DSCAM: variants seen among roughly 807,000 people sequenced by gnomAD.
DSCAM encodes cell adhesion molecule DSCAM.
In DSCAM, 47 loss-of-function variants were observed where a neutral mutation model predicts 217.7. That is an observed-to-expected ratio of 0.22 (90% CI 0.17 to 0.28). The LOEUF is 0.28. Ranked by LOEUF, DSCAM falls within the 10% of genes least tolerant of loss-of-function variation. DSCAM has a pLI of 1.00. For synonymous variants in DSCAM, 1,056 were observed against 1,015.3 expected (o/e 1.04, Z -0.76); for missense variants, 2,080 against 2,618.3 (o/e 0.79, Z 4.49).
chr21:40,820,188 T>C (rs7278314), intron 1 of DSCAM, among the ~76,000 whole-genome samples: 31,773 of 152,010 alleles, frequency 0.21, 3,969 homozygotes, highest in Non-Finnish European at 0.28. Flanking sequence ...CTATATATAA[T>C]AGCAAAGACT....
At chr21:40,253,703 T>C (rs1423036166) in intron 11 of DSCAM, among the ~76,000 whole-genome samples, 1 of 152,214 alleles carries the variant, frequency 6.6e-6, no homozygotes, top group East Asian at 1.9e-4. Context: ...GCAATGCAAC[T>C]CAGACAGCTT....
intron 3 of DSCAM, among the ~76,000 whole-genome samples, chr21:40,467,662 G>A (rs1398596578): frequency 6.6e-6 from 1 of 152,008 alleles, no homozygotes; most frequent in Non-Finnish European, 1.5e-5. Flanking sequence ...TTAAAATATG[G>A]AATATTGTAA....
chr21:40,191,034 C>A (rs906216815), intron 11 of DSCAM, among the ~76,000 whole-genome samples: 1 of 152,176 alleles, frequency 6.6e-6, no homozygotes, highest in African/African-American at 2.4e-5. Context: ...AAGAAGCTCC[C>A]TTCCCCCATT....
intron 3 of DSCAM, among the ~76,000 whole-genome samples, chr21:40,436,731 T>A (rs963961173): frequency 1.3e-5 from 2 of 152,102 alleles, no homozygotes; most frequent in Non-Finnish European, 2.9e-5. Context: ...GTTAAGAATT[T>A]CAAGACGAAA....
intron 18 of DSCAM, among the ~76,000 whole-genome samples, chr21:40,135,288 C>T (rs1029441485): frequency 1.3e-5 from 2 of 152,366 alleles, no homozygotes; most frequent in African/African-American, 4.8e-5. Context: ...GCTTGTCAAT[C>T]CCTCTCACTC....
Position 40,133,908 on chromosome 21 carries a change from G to T in DSCAM, c.3508C>A (p.Arg1170Ser), listed in dbSNP as rs770700594. 2 of 1,613,718 alleles carry T rather than the reference G, an allele frequency of 1.2e-6. No homozygotes were observed. Among genetic ancestry groups the T allele is most frequent in the Non-Finnish European group, 1.7e-6 (2 of 1,179,840 alleles). The change falls in exon 19 of 33, where the codon CGC (arginine) becomes AGC (serine). Residue 1170 changes from arginine (R) to serine (S), a missense_variant. This residue lies in a region of DSCAM where 1,144 missense variants were observed against 1,421.1 expected (regional missense o/e 0.81). Transcript: ENST00000400454. Reference sequence around the variant, plus strand: ...TCACTCCTGACCCCGTCTCCTGCGCGGGTGAAGGCCAGCACCTGGATGCTG... The same window carrying T: ...TCACTCCTGACCCCGTCTCCTGCGCTGGTGAAGGCCAGCACCTGGATGCTG... ...NYSIQVLAFT[R>S]AGDGVRSEQI...
intron 2 of DSCAM, among the ~76,000 whole-genome samples, chr21:40,695,791 T>C (rs901220184): frequency 2.6e-5 from 4 of 152,210 alleles, no homozygotes; most frequent in African/African-American, 7.2e-5. Context: ...TATACATGTA[T>C]GCACATTTGA....
chr21:40,839,977 C>T (rs755507340), intron 1 of DSCAM, among the ~76,000 whole-genome samples: 10 of 152,176 alleles, frequency 6.6e-5, no homozygotes, highest in Non-Finnish European at 1.3e-4. Context: ...TATGTATTTA[C>T]ATAATCCAGG....
intron 3 of DSCAM, among the ~76,000 whole-genome samples, chr21:40,492,061 C>G (rs564602953): frequency 6.6e-6 from 1 of 152,018 alleles, no homozygotes; most frequent in Admixed American, 6.5e-5. Context: ...TCTAAGACAC[C>G]TAGAATAATG....
chr21:40,342,389 G>T (rs1307578403), intron 6 of DSCAM, among the ~76,000 whole-genome samples: 1 of 151,416 alleles, frequency 6.6e-6, no homozygotes, highest in Non-Finnish European at 1.5e-5. Flanking sequence ...TGCTTTCTGT[G>T]TCCTAAGAAA....
At chr21:40,708,059 C>G (rs896813326) in intron 2 of DSCAM, among the ~76,000 whole-genome samples, 1 of 152,130 alleles carries the variant, frequency 6.6e-6, no homozygotes, top group Non-Finnish European at 1.5e-5. Context: ...TCCAGCTCAA[C>G]CATTTGTCAT....
chr21:40,102,974 G>A (rs1002558821), intron 20 of DSCAM, among the ~76,000 whole-genome samples: 1 of 152,176 alleles, frequency 6.6e-6, no homozygotes, highest in African/African-American at 2.4e-5. Flanking sequence ...TCACTCTGCA[G>A]GGAACCTGGT....
At chr21:40,461,101 G>A (rs988101186) in intron 3 of DSCAM, among the ~76,000 whole-genome samples, 6 of 151,870 alleles carry the variant, frequency 4.0e-5, no homozygotes, top group African/African-American at 1.5e-4. Flanking sequence ...CATAAAATAG[G>A]AACAATGCAG....
At chr21:40,818,099 T>G (rs1458358840) in intron 1 of DSCAM, among the ~76,000 whole-genome samples, 1 of 41,818 alleles carries the variant, frequency 2.4e-5, no homozygotes. Context: ...CGAGACTCCG[T>G]CTCAAAAAAA....
intron 3 of DSCAM, among the ~76,000 whole-genome samples, chr21:40,689,388 C>A (rs554690434): frequency 6.6e-6 from 1 of 152,336 alleles, no homozygotes; most frequent in East Asian, 1.9e-4. Context: ...AGCAGCTAAG[C>A]ATCCCCCAGG....
chr21:40,653,806 C>T (rs2090042433), intron 3 of DSCAM, among the ~76,000 whole-genome samples: 1 of 152,162 alleles, frequency 6.6e-6, no homozygotes, highest in Admixed American at 6.5e-5. Context: ...TGGATTAAAA[C>T]TCATACCTGG....
Position 40,517,404 on chromosome 21 carries a change from A to AACAC in DSCAM, c.509-148163_509-148160dup, listed in dbSNP as rs3070750. 8.5e-3 allele frequency among the ~76,000 whole-genome samples: 1,234 copies of AACAC among 144,760 alleles called. 20 individuals are homozygous for AACAC. The highest frequency in any genetic ancestry group is 0.025 in the African/African-American group (983 of 38,698). The allele number at this position is 144,760 out of a possible 152,430, so 95.0% of individuals were successfully genotyped here. On this transcript the variant is annotated intron_variant, in intron 3 of 32. Transcript: ENST00000400454. ...CACACATCTATACACACACACAAGC[A>AACAC]ACACACACACACACACACACACACA...
chr21:40,324,103 C>CAAAAAAAAAAA (rs71330393), intron 8 of DSCAM, among the ~76,000 whole-genome samples: 328 of 27,988 alleles, frequency 0.012, 1 homozygote, highest in East Asian at 0.014. Flanking sequence ...AACTCTGTCT[C>CAAAAAAAAAAA]AAAAAAAAAA....
intron 3 of DSCAM, among the ~76,000 whole-genome samples, chr21:40,576,188 A>C (rs1473391669): frequency 6.6e-6 from 1 of 152,256 alleles, no homozygotes; most frequent in Non-Finnish European, 1.5e-5. Flanking sequence ...CAATCCCTGG[A>C]AACAGCCCAA....
Sources: allele counts gnomAD v4.1 joint callset (sites outside exome capture counted in the v4.1 genomes callset), GRCh38; gene constraint gnomAD v4.1.1; regional missense constraint gnomAD v4.1.1; transcripts MANE v1.5; gene names NCBI Gene and HGNC (gene_info 2026-07-23, HGNC 2026-07-21).